The following SLC13A3 variants were observed in gnomAD, a reference collection of about 807,000 sequenced individuals.
The protein encoded by SLC13A3 is Na(+)/dicarboxylate cotransporter 3.
A neutral mutation model predicts 59.0 loss-of-function variants in SLC13A3; 40 were observed. The observed-to-expected ratio is 0.68, with a 90% CI of 0.53 to 0.88. The LOEUF is 0.88. Ranked by LOEUF, SLC13A3 falls within the 40% of genes least tolerant of loss-of-function variation. SLC13A3 has a pLI of 0.00. For missense variants in SLC13A3, 699 were observed against 783.2 expected, an observed-to-expected ratio of 0.89 and a Z score of 1.28; for synonymous variants, 317 against 330.3, an observed-to-expected ratio of 0.96 and a Z score of 0.44.
intron 1 of SLC13A3, among the ~76,000 whole-genome samples, chr20:46,680,049 T>C (rs1416718678): frequency 2.0e-5 from 3 of 152,098 alleles, no homozygotes; most frequent in African/African-American, 7.2e-5. Flanking sequence ...GTATGGCAGA[T>C]GGTATTTTGT....
intron 1 of SLC13A3, among the ~76,000 whole-genome samples, chr20:46,660,034 T>TA (rs1299591501): frequency 2.0e-5 from 3 of 152,230 alleles, no homozygotes; most frequent in Non-Finnish European, 4.4e-5. Context: ...AGCCAATTGT[T>TA]AAACATTTAC....
intron 6 of SLC13A3, among the ~76,000 whole-genome samples, chr20:46,590,747 A>G (rs2062244990): frequency 6.6e-6 from 1 of 152,252 alleles, no homozygotes; most frequent in Non-Finnish European, 1.5e-5. Flanking sequence ...GATAATATCT[A>G]TTAAAATAAA....
intron 3 of SLC13A3, among the ~76,000 whole-genome samples, chr20:46,602,065 G>A (rs1282898949): frequency 6.6e-6 from 1 of 152,182 alleles, no homozygotes; most frequent in African/African-American, 2.4e-5. Flanking sequence ...CAAGTGTGGT[G>A]GTTCATGCCT....
rs2062457127 is a variant in SLC13A3, at chr20:46,608,427, G to T, written c.541+2019C>A. Among the ~76,000 whole-genome samples, 6 of 152,212 alleles carry T rather than the reference G, an allele frequency of 3.9e-5. No homozygotes were observed. The South Asian group carries it at 1.2e-3, about 32-fold the overall frequency. On this transcript the variant is annotated intron_variant, in intron 3 of 12. Transcript: ENST00000279027. ...ACAAAGCCTGCAGTATTTACTATTT[G>T]GTCATTTATAGACAAAGTTTGTTAA...
intron 1 of SLC13A3, among the ~76,000 whole-genome samples, chr20:46,665,314 C>T (rs139226715): frequency 6.6e-6 from 1 of 151,998 alleles, no homozygotes; most frequent in African/African-American, 2.4e-5. Context: ...AGGACACTCA[C>T]AATGCAACCA....
intron 11 of SLC13A3, among the ~76,000 whole-genome samples, chr20:46,565,849 A>G (rs1053544132): frequency 6.6e-6 from 1 of 152,164 alleles, no homozygotes; most frequent in Non-Finnish European, 1.5e-5. Flanking sequence ...AACAGTGTTG[A>G]AACCCCTGCT....
At position 46,558,612 on chromosome 20, in the gene SLC13A3, G is replaced by A. The variant is rs1456707843; in HGVS notation, c.*1410C>T. On this transcript the variant is annotated 3_prime_UTR_variant, in exon 13 of 13. Coordinates refer to ENST00000279027, the MANE Select transcript of SLC13A3 (RefSeq NM_022829.6). ...CAACACTGAGTGCTCACTTGGAAAG[G>A]AGGTGGAGCTCAACTTCCAACTCAG... 1 of 152,284 alleles carries A rather than the reference G, an allele frequency of 6.6e-6. No individual in the cohort carries two copies. The highest frequency in any genetic ancestry group is 2.4e-5 in the African/African-American group (1 of 41,554). The allele number at this position is 152,284 out of a possible 1,614,324, so 9.4% of individuals were successfully genotyped here.
At chr20:46,613,837 G>A in intron 1 of SLC13A3, 112 bp from the exon 2 acceptor site, 3 of 951,876 alleles carry the variant, frequency 3.2e-6, no homozygotes, top group Non-Finnish European at 4.6e-6. Context: ...GGCAGAGGGG[G>A]AAGGAGGCCT....
At chr20:46,608,834 G>A in intron 3 of SLC13A3, 1 of 1,516,978 alleles carries the variant, frequency 6.6e-7, no homozygotes, top group South Asian at 1.3e-5. Flanking sequence ...CAAAGCCACA[G>A]GGGCAGATCT....
intron 1 of SLC13A3, among the ~76,000 whole-genome samples, chr20:46,626,696 C>T (rs7270178): frequency 0.31 from 46,720 of 151,978 alleles, 7,416 homozygotes; most frequent in South Asian, 0.42. Flanking sequence ...ATCCCCTGAC[C>T]TTCCCACTCT....
At chr20:46,591,304 A>T (rs1257871878) in intron 6 of SLC13A3, among the ~76,000 whole-genome samples, 4 of 152,242 alleles carry the variant, frequency 2.6e-5, no homozygotes, top group Non-Finnish European at 5.9e-5. Flanking sequence ...AACCAATAAA[A>T]GTGGATGCTT....
intron 12 of SLC13A3, among the ~76,000 whole-genome samples, chr20:46,562,742 G>A (rs111732580): frequency 6.6e-6 from 1 of 152,198 alleles, no homozygotes; most frequent in African/African-American, 2.4e-5. Context: ...TCTCTGTCTC[G>A]TCTCTTCTCT....
chr20:46,678,115 G>C (rs2063136669), intron 1 of SLC13A3, among the ~76,000 whole-genome samples: 1 of 152,192 alleles, frequency 6.6e-6, no homozygotes, highest in South Asian at 2.1e-4. Context: ...CTGAGGCCCA[G>C]GGAAGTCTAG....
In SLC13A3 at chr20:46,620,549, G is replaced by C. The variant is rs982162904; in HGVS notation, c.112-6824C>G. On this transcript the variant is annotated intron_variant, in intron 1 of 12. Transcript: ENST00000279027. ...AATAATGAAATAATTGACACTTTAT[G>C]AACAGTTTATGGGGACAATGCTACA... is the stretch of plus-strand genomic sequence containing the variant. Among the ~76,000 whole-genome samples, 4 of 152,140 alleles carry C rather than the reference G, an allele frequency of 2.6e-5. No homozygotes were observed. The South Asian group carries it at 8.3e-4, about 32-fold the overall frequency.
At chr20:46,651,860 G>A (rs1186402694), upstream of SLC13A3, among the ~76,000 whole-genome samples, 1 of 152,312 alleles carries the variant, frequency 6.6e-6, no homozygotes, top group Admixed American at 6.5e-5. Flanking sequence ...GAGCCTGAAA[G>A]TGGAGTGGTG....
intron 1 of SLC13A3, among the ~76,000 whole-genome samples, chr20:46,657,965 A>G (rs191283417): frequency 9.8e-5 from 15 of 152,302 alleles, no homozygotes; most frequent in Non-Finnish European, 1.9e-4. Context: ...TTGTATTTCA[A>G]TATGAGATTT....
At chr20:46,666,774 G>A (rs1293258231) in intron 1 of SLC13A3, among the ~76,000 whole-genome samples, 2 of 152,012 alleles carry the variant, frequency 1.3e-5, no homozygotes, top group African/African-American at 2.4e-5. Flanking sequence ...AAAGCGTTGG[G>A]ATTACAGGCA....
At chr20:46,675,156 C>G (rs929770615) in intron 1 of SLC13A3, among the ~76,000 whole-genome samples, 14 of 150,652 alleles carry the variant, frequency 9.3e-5, no homozygotes, top group Non-Finnish European at 1.8e-4. Flanking sequence ...GGGAGAGGAA[C>G]AGCAGAGGGG....
At chr20:46,619,381 C>T (rs926714839) in intron 1 of SLC13A3, among the ~76,000 whole-genome samples, 1 of 152,236 alleles carries the variant, frequency 6.6e-6, no homozygotes, top group African/African-American at 2.4e-5. Flanking sequence ...CTTTAGGTCT[C>T]TCCTCTCCAT....
Sources: allele counts gnomAD v4.1 joint callset (sites outside exome capture counted in the v4.1 genomes callset), GRCh38; gene constraint gnomAD v4.1.1; transcripts MANE v1.5; gene names NCBI Gene and HGNC (gene_info 2026-07-23, HGNC 2026-07-21).